Variants in ST6GALNAC3 observed in about 807,000 individuals in gnomAD.
ST6GALNAC3 encodes the protein alpha-N-acetylgalactosaminide alpha-2,6-sialyltransferase 3.
ST6GALNAC3 carries 25 observed loss-of-function variants against 32.7 expected under a neutral mutation model. The ratio of observed to expected loss-of-function variants is 0.76; its 90% CI spans 0.56 to 1.07. The LOEUF is 1.07. Ranked by LOEUF, ST6GALNAC3 falls within the 50% of genes least tolerant of loss-of-function variation. The pLI, the probability that ST6GALNAC3 is intolerant of heterozygous loss-of-function variation, is 0.00. For missense variants in ST6GALNAC3, 355 were observed against 382.4 expected (o/e 0.93, Z 0.60); for synonymous variants, 129 against 133.1 (o/e 0.97, Z 0.21).
chr1:76,163,088 G>A (rs1231815604), intron 1 of ST6GALNAC3, among the ~76,000 whole-genome samples: 1 of 152,198 alleles, frequency 6.6e-6, no homozygotes, highest in East Asian at 1.9e-4. Context: ...CAGCTTGAGT[G>A]CCTACCTTAA....
At chr1:76,455,278 C>T (rs565129176) in intron 3 of ST6GALNAC3, among the ~76,000 whole-genome samples, 7 of 152,022 alleles carry the variant, frequency 4.6e-5, no homozygotes, top group South Asian at 2.1e-4. Flanking sequence ...TTTCTTTTGA[C>T]ATTTGACTTT....
At chr1:76,539,660 T>A (rs563867957) in intron 3 of ST6GALNAC3, among the ~76,000 whole-genome samples, 11 of 74,664 alleles carry the variant, frequency 1.5e-4, no homozygotes, top group African/African-American at 3.7e-4. Flanking sequence ...GAACTTAAAT[T>A]TGCAAGAAAA....
At position 76,230,807 on chromosome 1, in the gene ST6GALNAC3, T is replaced by C. The variant is rs527851355; in HGVS notation, c.19-82998T>C. On this transcript the variant is annotated intron_variant, in intron 1 of 4. Coordinates refer to ENST00000328299, the MANE Select transcript of ST6GALNAC3 (RefSeq NM_152996.4). ...AACATTCCTGGAATTTTAAGAATTGTAACAACAATAAAACAATAACTGTTT... is the reference window on the plus strand; with the variant it reads ...AACATTCCTGGAATTTTAAGAATTGCAACAACAATAAAACAATAACTGTTT... 3.9e-5 allele frequency among the ~76,000 whole-genome samples: 6 copies of C among 152,352 alleles called. No homozygotes were observed. In the South Asian group the frequency reaches 1.2e-3, roughly 32 times the overall value.
At chr1:76,083,126 C>T (rs192340998) in intron 1 of ST6GALNAC3, among the ~76,000 whole-genome samples, 1 of 152,150 alleles carries the variant, frequency 6.6e-6, no homozygotes, top group East Asian at 1.9e-4. Context: ...GCATCTTGCT[C>T]TGAGAAGATC....
At chr1:76,473,171 G>A (rs1659144233) in intron 3 of ST6GALNAC3, among the ~76,000 whole-genome samples, 2 of 152,132 alleles carry the variant, frequency 1.3e-5, no homozygotes, top group Admixed American at 1.3e-4. Flanking sequence ...ATAGAAACAA[G>A]CTCATCTGAT....
intron 3 of ST6GALNAC3, among the ~76,000 whole-genome samples, chr1:76,499,526 C>A (rs1661058671): frequency 6.6e-6 from 1 of 152,088 alleles, no homozygotes; most frequent in Non-Finnish European, 1.5e-5. Context: ...CTTCCACGTT[C>A]TCGGTTCTAC....
At chr1:76,352,121 A>G (rs912650498) in intron 2 of ST6GALNAC3, among the ~76,000 whole-genome samples, 1 of 152,192 alleles carries the variant, frequency 6.6e-6, no homozygotes, top group Non-Finnish European at 1.5e-5. Flanking sequence ...AAAGGTTGAG[A>G]AAAATGTTAT....
intron 1 of ST6GALNAC3, among the ~76,000 whole-genome samples, chr1:76,193,341 A>C (rs867560765): frequency 1.4e-4 from 21 of 152,136 alleles, no homozygotes; most frequent in African/African-American, 4.8e-4. Flanking sequence ...TGTCACACAC[A>C]TGTTGTTTTG....
At chr1:76,272,189 G>A (rs904563219) in intron 1 of ST6GALNAC3, among the ~76,000 whole-genome samples, 6 of 151,810 alleles carry the variant, frequency 4.0e-5, no homozygotes, top group Non-Finnish European at 4.4e-5. Flanking sequence ...AGCTGGGTGT[G>A]GTGGTGGGCG....
At chr1:76,219,638 G>T (rs1039683661) in intron 1 of ST6GALNAC3, among the ~76,000 whole-genome samples, 2 of 152,208 alleles carry the variant, frequency 1.3e-5, no homozygotes, top group African/African-American at 4.8e-5. Context: ...AAAGGGTTTT[G>T]GCCATACATC....
intron 2 of ST6GALNAC3, among the ~76,000 whole-genome samples, chr1:76,407,029 C>T (rs1393561720): frequency 6.6e-6 from 1 of 151,988 alleles, no homozygotes; most frequent in Non-Finnish European, 1.5e-5. Context: ...GGTGCTGTTT[C>T]TTCCCTTCCT....
intron 2 of ST6GALNAC3, among the ~76,000 whole-genome samples, chr1:76,385,611 G>A (rs1652036180): frequency 6.6e-6 from 1 of 152,114 alleles, no homozygotes; most frequent in Non-Finnish European, 1.5e-5. Flanking sequence ...CCGTAAATAT[G>A]TGTGATTGCT....
At chr1:76,571,833 T>A (rs1665880357) in intron 3 of ST6GALNAC3, among the ~76,000 whole-genome samples, 1 of 152,228 alleles carries the variant, frequency 6.6e-6, no homozygotes, top group Non-Finnish European at 1.5e-5. Context: ...TTTATGCACA[T>A]AAATCCTTAA....
chr1:76,143,088 A>C (rs539763674), intron 1 of ST6GALNAC3, among the ~76,000 whole-genome samples: 3 of 152,220 alleles, frequency 2.0e-5, no homozygotes, highest in Non-Finnish European at 4.4e-5. Flanking sequence ...AGGAAAATTG[A>C]ACTCACCCTG....
chr1:76,493,567 A>G (rs1660629210), intron 3 of ST6GALNAC3, among the ~76,000 whole-genome samples: 1 of 152,094 alleles, frequency 6.6e-6, no homozygotes, highest in African/African-American at 2.4e-5. Flanking sequence ...AGTTTTCTAC[A>G]TATGGGCCTT....
intron 3 of ST6GALNAC3, among the ~76,000 whole-genome samples, chr1:76,592,406 A>G (rs1034944002): frequency 2.4e-4 from 36 of 152,184 alleles, no homozygotes; most frequent in African/African-American, 8.0e-4. Flanking sequence ...ATTCATTGAG[A>G]TGGGAATACA....
At chr1:76,275,831 C>T (rs2225784) in intron 1 of ST6GALNAC3, among the ~76,000 whole-genome samples, 23,070 of 152,034 alleles carry the variant, frequency 0.15, 3,210 homozygotes, top group African/African-American at 0.36. Flanking sequence ...CTTGTAAGAG[C>T]ATTTACTGTC....
At chr1:76,585,110 C>T (rs527243178) in intron 3 of ST6GALNAC3, among the ~76,000 whole-genome samples, 113 of 152,244 alleles carry the variant, frequency 7.4e-4, no homozygotes, top group African/African-American at 2.6e-3. Flanking sequence ...CTTGGCCGGG[C>T]GCAGTGGCTC....
intron 2 of ST6GALNAC3, among the ~76,000 whole-genome samples, chr1:76,374,869 G>C (rs1015293521): frequency 1.3e-5 from 2 of 151,912 alleles, no homozygotes; most frequent in African/African-American, 4.8e-5. Flanking sequence ...CTATTATTTT[G>C]GTGATGAAAA....
Sources: gnomAD v4.1 joint callset for allele counts (sites outside exome capture counted in the v4.1 genomes callset) on GRCh38, gnomAD v4.1.1 for gene constraint, MANE v1.5 for transcripts, NCBI Gene and HGNC (gene_info 2026-07-23, HGNC 2026-07-21) for gene names.